The following ST6GALNAC3 variants were observed in gnomAD, a reference collection of about 807,000 sequenced individuals.
ST6GALNAC3 encodes ST6 N-acetylgalactosaminide alpha-2,6-sialyltransferase 3.
A neutral mutation model predicts 32.7 loss-of-function variants in ST6GALNAC3; 25 were observed. That is an observed-to-expected ratio of 0.76 (90% CI 0.56 to 1.07). The LOEUF (loss-of-function observed/expected upper bound fraction) is 1.07. ST6GALNAC3 is among the 50% of genes least tolerant of loss of function. The probability of loss-of-function intolerance (pLI) is 0.00; values close to 1 mark genes in which losing one functional copy is unlikely to be tolerated. For synonymous variants in ST6GALNAC3, 129 were observed against 133.1 expected (o/e 0.97, Z 0.21); for missense variants, 355 against 382.4 (o/e 0.93, Z 0.60).
At chr1:76,148,949 T>C (rs756353316) in intron 1 of ST6GALNAC3, among the ~76,000 whole-genome samples, 2 of 152,230 alleles carry the variant, frequency 1.3e-5, no homozygotes, top group African/African-American at 2.4e-5. Context: ...TCCTATTTAC[T>C]CATTGTATAA....
chr1:76,191,717 C>T (rs534095994), intron 1 of ST6GALNAC3, among the ~76,000 whole-genome samples: 1 of 152,020 alleles, frequency 6.6e-6, no homozygotes, highest in Non-Finnish European at 1.5e-5. Context: ...GCTGAGGTCC[C>T]TGGGGAGCTA....
intron 3 of ST6GALNAC3, among the ~76,000 whole-genome samples, chr1:76,487,399 A>G (rs1206843553): frequency 6.6e-6 from 1 of 152,080 alleles, no homozygotes; most frequent in Admixed American, 6.6e-5. Flanking sequence ...ACATAGTCCC[A>G]TATTTCTTGG....
chr1:76,550,848 C>T (rs182012607), intron 3 of ST6GALNAC3, among the ~76,000 whole-genome samples: 13 of 152,176 alleles, frequency 8.5e-5, no homozygotes, highest in East Asian at 1.9e-4. Flanking sequence ...CTCTGCCTCC[C>T]GGGTTCAAGC....
chr1:76,586,209 A>G (rs193159879), intron 3 of ST6GALNAC3, among the ~76,000 whole-genome samples: 8 of 152,328 alleles, frequency 5.3e-5, no homozygotes, highest in African/African-American at 1.9e-4. Flanking sequence ...TATATTTAGA[A>G]GTCTGAATGT....
At chr1:76,528,850 A>G (rs984115548) in intron 3 of ST6GALNAC3, among the ~76,000 whole-genome samples, 8 of 151,048 alleles carry the variant, frequency 5.3e-5, no homozygotes, top group Non-Finnish European at 1.2e-4. Flanking sequence ...ACAAGGCAAC[A>G]TTAAGGAAGC....
At chr1:76,162,182 A>T (rs2100381497) in intron 1 of ST6GALNAC3, among the ~76,000 whole-genome samples, 1 of 152,338 alleles carries the variant, frequency 6.6e-6, no homozygotes, top group South Asian at 2.1e-4. Flanking sequence ...CTCCATCATA[A>T]GATAGACATA....
At chr1:76,575,964 A>G (rs999440735) in intron 3 of ST6GALNAC3, among the ~76,000 whole-genome samples, 4 of 152,068 alleles carry the variant, frequency 2.6e-5, no homozygotes, top group Admixed American at 2.6e-4. Context: ...CCAAATAAAA[A>G]TCTTGGAACC....
chr1:76,545,135 C>A (rs549786944), intron 3 of ST6GALNAC3, among the ~76,000 whole-genome samples: 1 of 152,234 alleles, frequency 6.6e-6, no homozygotes, highest in South Asian at 2.1e-4. Context: ...TCCAGCCTCG[C>A]CTCACCTCTT....
At chr1:76,271,229 G>T (rs1658825930) in intron 1 of ST6GALNAC3, among the ~76,000 whole-genome samples, 1 of 152,190 alleles carries the variant, frequency 6.6e-6, no homozygotes, top group Admixed American at 6.5e-5. Context: ...CTTCCTTGCT[G>T]AGAATTTTGC....
At chr1:76,236,122 A>G (rs1656643047) in intron 1 of ST6GALNAC3, among the ~76,000 whole-genome samples, 6 of 151,860 alleles carry the variant, frequency 4.0e-5, no homozygotes, top group African/African-American at 1.5e-4. Flanking sequence ...TTTTTTGCGT[A>G]TTTTTAATAG....
At chr1:76,341,682 C>CCTTCCTTCT (rs1557804005) in intron 2 of ST6GALNAC3, among the ~76,000 whole-genome samples, 36 of 36,032 alleles carry the variant, frequency 1.0e-3, no homozygotes, top group South Asian at 2.7e-3. Context: ...TCTTTCTTTC[C>CCTTCCTTCT]TTCTTTCTTT....
intron 1 of ST6GALNAC3, among the ~76,000 whole-genome samples, chr1:76,089,033 A>T (rs534067522): frequency 1.1e-4 from 16 of 151,598 alleles, no homozygotes; most frequent in Admixed American, 7.2e-4. Flanking sequence ...ACACTAAAGG[A>T]TTTTGTTTTT....
chr1:76,567,140 T>A (rs12734534), intron 3 of ST6GALNAC3, among the ~76,000 whole-genome samples: 9,068 of 152,222 alleles, frequency 0.06, 288 homozygotes, highest in Middle Eastern at 0.085. Context: ...AAAAGAGTAT[T>A]TTTGTAATCT....
At chr1:76,487,711 C>G (rs1571389254) in intron 3 of ST6GALNAC3, among the ~76,000 whole-genome samples, 1 of 152,152 alleles carries the variant, frequency 6.6e-6, no homozygotes, top group Admixed American at 6.6e-5. Context: ...CATATGAAGC[C>G]TTCTTCTCTC....
intron 2 of ST6GALNAC3, among the ~76,000 whole-genome samples, chr1:76,344,221 G>A (rs1648303944): frequency 6.6e-6 from 1 of 152,192 alleles, no homozygotes; most frequent in African/African-American, 2.4e-5. Flanking sequence ...AGGGAGCCAA[G>A]TACATTGTTA....
chr1:76,079,692 G>A (rs968042574), intron 1 of ST6GALNAC3, among the ~76,000 whole-genome samples: 1 of 152,180 alleles, frequency 6.6e-6, no homozygotes, highest in African/African-American at 2.4e-5. Flanking sequence ...ATGATACCAA[G>A]TTAGGAACTT....
intron 2 of ST6GALNAC3, among the ~76,000 whole-genome samples, chr1:76,356,566 A>T (rs529419898): frequency 6.6e-6 from 1 of 152,156 alleles, no homozygotes; most frequent in Non-Finnish European, 1.5e-5. Flanking sequence ...GGAAAAGTAA[A>T]GGGATGAAAG....
At chr1:76,421,325 C>A (rs1345953761) in intron 3 of ST6GALNAC3, among the ~76,000 whole-genome samples, 1 of 152,032 alleles carries the variant, frequency 6.6e-6, no homozygotes, top group Non-Finnish European at 1.5e-5. Context: ...AAATCTATTA[C>A]CTTCTCTAGG....
intron 2 of ST6GALNAC3, among the ~76,000 whole-genome samples, chr1:76,384,303 A>G (rs902011894): frequency 2.0e-5 from 3 of 152,176 alleles, no homozygotes; most frequent in African/African-American, 7.2e-5. Context: ...AAAAGATGCC[A>G]TGACATAGTG....
Sources: allele counts gnomAD v4.1 joint callset (sites outside exome capture counted in the v4.1 genomes callset), GRCh38; gene constraint gnomAD v4.1.1; transcripts MANE v1.5; gene names NCBI Gene and HGNC (gene_info 2026-07-23, HGNC 2026-07-21).